ASCC3: variants seen among roughly 807,000 people sequenced by gnomAD.
ASCC3 encodes ASC-1 complex subunit P200.
A neutral mutation model predicts 256.3 loss-of-function variants in ASCC3; 158 were observed. That is an observed-to-expected ratio of 0.62 (90% CI 0.54 to 0.70). ASCC3 has a LOEUF of 0.70. ASCC3 is among the 30% of genes least tolerant of loss of function. The probability of loss-of-function intolerance (pLI) is 0.00; values close to 1 mark genes in which losing one functional copy is unlikely to be tolerated. For synonymous variants in ASCC3, 948 were observed against 883.4 expected (o/e 1.07, Z -1.30); for missense variants, 2,259 against 2,626.0 (o/e 0.86, Z 3.05).
intron 30 of ASCC3, among the ~76,000 whole-genome samples, chr6:100,612,972 A>G (rs1319313976): frequency 2.6e-5 from 4 of 152,038 alleles, no homozygotes; most frequent in African/African-American, 7.2e-5. Context: ...AATACAAACA[A>G]TAACAGCTAA....
At chr6:100,631,783 C>A (rs923260725) in intron 25 of ASCC3, among the ~76,000 whole-genome samples, 1 of 151,850 alleles carries the variant, frequency 6.6e-6, no homozygotes, top group Non-Finnish European at 1.5e-5. Context: ...TAATCCAAAC[C>A]TATACAAAAT....
chr6:100,617,111 TATC>T (rs1233991459), intron 30 of ASCC3, among the ~76,000 whole-genome samples: 1 of 152,128 alleles, frequency 6.6e-6, no homozygotes, highest in African/African-American at 2.4e-5. Context: ...TTCAAACAAT[TATC>T]ATGCCTCAGC....
intron 5 of ASCC3, among the ~76,000 whole-genome samples, chr6:100,803,373 T>C (rs1298731602): frequency 6.6e-6 from 1 of 152,130 alleles, no homozygotes; most frequent in Non-Finnish European, 1.5e-5. Context: ...GGAGGTCTGA[T>C]AGTTTTATAA....
chr6:100,797,478 G>A (rs151303202), intron 8 of ASCC3, among the ~76,000 whole-genome samples: 441 of 113,070 alleles, frequency 3.9e-3, no homozygotes, highest in East Asian at 0.011. Flanking sequence ...AAAAAAAAAT[G>A]AAAAAAAAAA....
chr6:100,605,297 G>GT (rs1314660560), intron 33 of ASCC3, among the ~76,000 whole-genome samples: 3 of 152,144 alleles, frequency 2.0e-5, no homozygotes, highest in Non-Finnish European at 1.5e-5. Flanking sequence ...GATCAAGCAA[G>GT]TAAATGGTAG....
chr6:100,561,291 C>T (rs1769937683), intron 36 of ASCC3, among the ~76,000 whole-genome samples: 1 of 152,058 alleles, frequency 6.6e-6, no homozygotes, highest in South Asian at 2.1e-4. Flanking sequence ...TAGGGGTCTT[C>T]TGATTCATCA....
intron 20 of ASCC3, among the ~76,000 whole-genome samples, chr6:100,650,245 GAA>G (rs1197378253): frequency 1.6e-4 from 24 of 151,410 alleles, no homozygotes; most frequent in Non-Finnish European, 3.0e-5. Context: ...ATAAGTAAAA[GAA>G]ATGAAATTCA....
intron 13 of ASCC3, among the ~76,000 whole-genome samples, chr6:100,714,014 C>G (rs1464288431): frequency 6.6e-6 from 1 of 152,118 alleles, no homozygotes; most frequent in Non-Finnish European, 1.5e-5. Context: ...CACACATACA[C>G]TACAAATAAA....
rs552989072 is a variant in ASCC3, at chr6:100,714,391, C to A, written c.2151+1071G>T. 5.3e-5 allele frequency among the ~76,000 whole-genome samples: 8 copies of A among 152,088 alleles called. No homozygotes were observed. The South Asian group carries it at 1.5e-3, about 28-fold the overall frequency. On this transcript the variant is annotated intron_variant, in intron 13 of 41. Coordinates refer to ENST00000369162, the MANE Select transcript of ASCC3 (RefSeq NM_006828.4). ...GTTTTTTATGAGGGTCAAAGGAGAA[C>A]AATGACATAAAATAAATGCAAAGAA...
chr6:100,531,985 T>A (rs1366781309), intron 37 of ASCC3, among the ~76,000 whole-genome samples: 1 of 151,966 alleles, frequency 6.6e-6, no homozygotes, highest in African/African-American at 2.4e-5. Flanking sequence ...TTTTGTTTTG[T>A]TTTTACTTTT....
At chr6:100,688,189 T>A (rs935638302) in intron 13 of ASCC3, among the ~76,000 whole-genome samples, 3 of 151,344 alleles carry the variant, frequency 2.0e-5, no homozygotes, top group African/African-American at 7.3e-5. Context: ...ACGCAAACCA[T>A]GGAAAACACC....
At chr6:100,602,071 G>GT in intron 33 of ASCC3, 136 bp from the exon 34 acceptor site, 1 of 846,056 alleles carries the variant, frequency 1.2e-6, no homozygotes, top group East Asian at 2.9e-5. Context: ...TAAATATTTA[G>GT]TATATAATTT....
intron 37 of ASCC3, among the ~76,000 whole-genome samples, chr6:100,537,674 T>G (rs1168201804): frequency 6.6e-6 from 1 of 151,920 alleles, no homozygotes; most frequent in Non-Finnish European, 1.5e-5. Context: ...AAAAATTCAT[T>G]GAAAAAAAGA....
intron 10 of ASCC3, among the ~76,000 whole-genome samples, chr6:100,732,332 T>C (rs1455176542): frequency 1.3e-5 from 2 of 152,180 alleles, no homozygotes; most frequent in Non-Finnish European, 2.9e-5. Context: ...ATTAAGAGAT[T>C]ACATTTATTC....
At chr6:100,736,931 T>G (rs1379269889) in intron 10 of ASCC3, among the ~76,000 whole-genome samples, 19 of 152,050 alleles carry the variant, frequency 1.2e-4, no homozygotes, top group Admixed American at 8.5e-4. Context: ...GCAGACTGCT[T>G]GAGCTCAGGA....
At chr6:100,662,240 A>C in intron 15 of ASCC3, 105 bp downstream of exon 15, 1 of 1,261,274 alleles carries the variant, frequency 7.9e-7, no homozygotes, top group Non-Finnish European at 1.1e-6. Flanking sequence ...TAACATTCAA[A>C]GTCAAGGAAA....
At chr6:100,785,261 C>A (rs1405050368) in intron 8 of ASCC3, among the ~76,000 whole-genome samples, 2 of 152,040 alleles carry the variant, frequency 1.3e-5, no homozygotes, top group Non-Finnish European at 2.9e-5. Context: ...TTATTTTCTA[C>A]AATGAAACTG....
chr6:100,676,738 G>A (rs117783436), intron 14 of ASCC3, among the ~76,000 whole-genome samples: 2,411 of 133,954 alleles, frequency 0.018, 24 homozygotes, highest in East Asian at 0.055. Flanking sequence ...GTATGTGTGC[G>A]CGCGCGTGCG....
intron 10 of ASCC3, among the ~76,000 whole-genome samples, chr6:100,763,961 G>GT (rs1781529780): frequency 8.1e-6 from 1 of 124,222 alleles, no homozygotes; most frequent in African/African-American, 2.6e-5. Context: ...AGTCTAAGTA[G>GT]ATTTTTTTGG....
Sources: gnomAD v4.1 joint callset for allele counts (sites outside exome capture counted in the v4.1 genomes callset) on GRCh38, gnomAD v4.1.1 for gene constraint, MANE v1.5 for transcripts, NCBI Gene and HGNC (gene_info 2026-07-23, HGNC 2026-07-21) for gene names.